The following SF3A1 variants were observed in gnomAD, a reference collection of about 807,000 sequenced individuals.
The protein encoded by SF3A1 is splicing factor 3a subunit 1.
SF3A1 carries 13 observed loss-of-function variants against 89.9 expected under a neutral mutation model. That is an observed-to-expected ratio of 0.14 (90% confidence interval 0.09 to 0.23). The LOEUF (loss-of-function observed/expected upper bound fraction) is 0.23. Among genes scored for constraint, SF3A1 ranks in the 10% least tolerant of loss-of-function variants. The pLI, the probability that SF3A1 is intolerant of heterozygous loss-of-function variation, is 1.00. For missense variants in SF3A1, 604 were observed against 1,022.1 expected (o/e 0.59, Z 5.58); for synonymous variants, 405 against 374.4 (o/e 1.08, Z -0.94).
In SF3A1 at chr22:30,353,056, GCTT is replaced by G. The variant is rs769437566; in HGVS notation, c.77_79del (p.Glu26del). The G allele has an allele frequency of 1.3e-5, 21 of 1,613,954 alleles. No homozygotes were observed. The highest frequency in any genetic ancestry group is 3.3e-5 in the South Asian group (3 of 91,082). On this transcript the variant is annotated inframe_deletion, in exon 2 of 16. Coordinates refer to ENST00000215793, the MANE Select transcript of SF3A1 (RefSeq NM_005877.6). ...AGGTGCAGAATCCTCCTTTGAAGAT[GCTT>G]CTTCTTCTGTGGGCTGTGCAAACAG...
chr22:30,336,690 T>C (rs1456991328), intron 13 of SF3A1, among the ~76,000 whole-genome samples: 1 of 152,088 alleles, frequency 6.6e-6, no homozygotes, highest in African/African-American at 2.4e-5. Flanking sequence ...CCACACACAA[T>C]TTCCTCCAGG....
Position 30,334,342 on chromosome 22 carries a change from G to A in SF3A1, c.*252C>T, listed in dbSNP as rs776661122. 1.1e-5 allele frequency: 4 copies of A among 350,572 alleles called. No individual in the cohort carries two copies. Among genetic ancestry groups the A allele is most frequent in the Non-Finnish European group, 2.1e-5 (4 of 193,572 alleles). 21.7% of individuals were successfully genotyped at this position (350,572 alleles called of 1,614,324 possible). On this transcript the variant is annotated 3_prime_UTR_variant, in exon 16 of 16. Transcript: ENST00000215793. ...GTTGCTAATGGGCTGCTGAAGAAAT[G>A]AATGTCCTCAAATCGAGACCCTAAC...
chr22:30,334,088 CAA>C lies in SF3A1; in HGVS notation c.*504_*505del, dbSNP rs1569168761. 2 of 152,258 alleles carry C rather than the reference CAA, an allele frequency of 1.3e-5. No individual in the cohort carries two copies. Among genetic ancestry groups the C allele is most frequent in the African/African-American group, 4.8e-5 (2 of 41,450 alleles). 9.4% of individuals were successfully genotyped at this position (152,258 alleles called of 1,614,324 possible). A position where few individuals can be genotyped will look rare whatever the true frequency, so the allele number is the denominator to read the frequency against. Reference sequence around the variant, plus strand: ...TTTAGTTACAAAACCCAAAAATCCTCAAAGAGAAGCCACATAGCACTGTGCAG... The same window carrying C: ...TTTAGTTACAAAACCCAAAAATCCTCAGAGAAGCCACATAGCACTGTGCAG... On this transcript the variant is annotated 3_prime_UTR_variant, in exon 16 of 16. Transcript: ENST00000215793.
rs1362922140 is a variant in SF3A1 at position 30,337,138 on chromosome 22, G to C, written c.1994C>G (p.Ala665Gly). The C allele has an allele frequency of 6.2e-7, 1 of 1,613,800 alleles. No homozygotes were observed. Among genetic ancestry groups the C allele is most frequent in the Admixed American group, 1.7e-5 (1 of 59,990 alleles). Residue 665 changes from alanine to glycine, a missense_variant, in exon 13 of 16, where the codon GCC becomes GGC. Ala to Gly is a moderately conservative substitution (Grantham distance 60). Transcript: ENST00000215793. Reference protein sequence around the residue: ...APPVAPVPAPAPMPPVHPPPP... With the variant: ...APPVAPVPAPGPMPPVHPPPP... ...TGGGGGATGCACAGGGGGCATTGGG[G>C]CTGGAGCTGGGACAGGTGCCACAGG... is the stretch of plus-strand genomic sequence containing the variant.
intron 9 of SF3A1, among the ~76,000 whole-genome samples, chr22:30,339,518 C>T (rs905856229): frequency 6.6e-6 from 1 of 152,156 alleles, no homozygotes. Flanking sequence ...CTTTGGGGGG[C>T]CAAGGCAGGA....
At chr22:30,351,041 C>T (rs1447822779) in intron 2 of SF3A1, among the ~76,000 whole-genome samples, 3 of 152,252 alleles carry the variant, frequency 2.0e-5, no homozygotes, top group South Asian at 2.1e-4. Flanking sequence ...TGGCTCACGC[C>T]TGTAATCCCA....
chr22:30,340,083 C>T (rs757187934), intron 9 of SF3A1, 113 bp downstream of exon 9: 11 of 916,952 alleles, frequency 1.2e-5, no homozygotes, highest in Non-Finnish European at 1.7e-5. Context: ...TCATAGAGTG[C>T]AACTCTCCTC....
At chr22:30,339,575 G>C (rs1400264193) in intron 9 of SF3A1, among the ~76,000 whole-genome samples, 1 of 152,144 alleles carries the variant, frequency 6.6e-6, no homozygotes, top group Non-Finnish European at 1.5e-5. Context: ...GGCCAACATA[G>C]CGAAACCCCG....
At chr22:30,348,790 A>G (rs532702760) in intron 2 of SF3A1, among the ~76,000 whole-genome samples, 1 of 152,380 alleles carries the variant, frequency 6.6e-6, no homozygotes, top group East Asian at 1.9e-4. Flanking sequence ...CTAGGCCACT[A>G]TACCCAGCAA....
intron 7 of SF3A1, 106 bp from the exon 8 acceptor site, chr22:30,340,918 C>T (rs1931231596): frequency 5.5e-6 from 4 of 723,316 alleles, no homozygotes; most frequent in Non-Finnish European, 9.5e-6. Context: ...CTCTGCCAGC[C>T]AGCGTCCATG....
rs1463077085 is a variant in SF3A1, at chr22:30,356,852, A to T, written c.-60T>A. The T allele has an allele frequency of 4.0e-6, 5 of 1,260,596 alleles. No homozygotes were observed. The highest frequency in any genetic ancestry group is 5.0e-6 in the Non-Finnish European group (5 of 991,012). 78.1% of individuals were successfully genotyped at this position (1,260,596 alleles called of 1,614,324 possible). A position where few individuals can be genotyped will look rare whatever the true frequency, so the allele number is the denominator to read the frequency against. On this transcript the variant is annotated 5_prime_UTR_variant, in exon 1 of 16. Transcript: ENST00000215793. ...TGTCGGTGAGCGGTGCCGCCTCAAGACAGCCTCCCCGCTCGGTCAGTACGA... is the reference window on the plus strand; with the variant it reads ...TGTCGGTGAGCGGTGCCGCCTCAAGTCAGCCTCCCCGCTCGGTCAGTACGA...
At chr22:30,339,835 C>A (rs562795999) in intron 9 of SF3A1, among the ~76,000 whole-genome samples, 2 of 152,308 alleles carry the variant, frequency 1.3e-5, no homozygotes, top group South Asian at 2.1e-4. Context: ...GTGTAAGTGG[C>A]AGAGTCAAAA....
At chr22:30,343,269 C>A (rs150757687) in intron 4 of SF3A1, among the ~76,000 whole-genome samples, 2 of 152,132 alleles carry the variant, frequency 1.3e-5, no homozygotes, top group Non-Finnish European at 2.9e-5. Context: ...AGAACCGCAG[C>A]GTACTTGCCC....
At chr22:30,350,313 T>TAAAAAAAAAAAAAAAAAAA (rs898407699) in intron 2 of SF3A1, among the ~76,000 whole-genome samples, 1 of 139,388 alleles carries the variant, frequency 7.2e-6, no homozygotes, top group Non-Finnish European at 1.6e-5. Flanking sequence ...CTAAAAAAAA[T>TAAAAAAAAAAAAAAAAAAA]AAAAAAAATA....
intron 4 of SF3A1, among the ~76,000 whole-genome samples, chr22:30,344,161 C>G (rs188035095): frequency 1.7e-3 from 256 of 151,834 alleles, no homozygotes; most frequent in Middle Eastern, 3.4e-3. Context: ...AGTAAAAATG[C>G]CAGAGCTCAA....
Position 30,337,143 on chromosome 22 carries a change from A to G in SF3A1, c.1989T>C (p.Ala663=). Residue 663 remains alanine (A), a synonymous_variant, in exon 13 of 16, where the codon GCT becomes GCC. Transcript: ENST00000215793. ...VPAPPVAPVP[A]PAPMPPVHPP... ...GATGCACAGGGGGCATTGGGGCTGG[A>G]GCTGGGACAGGTGCCACAGGTGGAG... The G allele has an allele frequency of 6.2e-7, 1 of 1,613,638 alleles. No homozygotes were observed. Among genetic ancestry groups the G allele is most frequent in the Non-Finnish European group, 8.5e-7 (1 of 1,179,762 alleles).
chr22:30,346,891 T>C (rs1205086226), intron 2 of SF3A1, among the ~76,000 whole-genome samples: 1 of 152,226 alleles, frequency 6.6e-6, no homozygotes, highest in African/African-American at 2.4e-5. Context: ...AGTATGCCTT[T>C]ACCAACAAAA....
chr22:30,345,611 G>A (rs1249801787), intron 3 of SF3A1, among the ~76,000 whole-genome samples: 2 of 152,156 alleles, frequency 1.3e-5, no homozygotes, highest in Non-Finnish European at 2.9e-5. Context: ...GGTAGCACAG[G>A]TACTGTGAAT....
intron 15 of SF3A1, 144 bp downstream of exon 15, chr22:30,335,323 C>T: frequency 1.4e-6 from 1 of 737,520 alleles, no homozygotes; most frequent in Non-Finnish European, 2.4e-6. Context: ...CACTCCCAGC[C>T]AGCATCATGA....
Sources: gnomAD v4.1 joint callset for allele counts (sites outside exome capture counted in the v4.1 genomes callset) on GRCh38, gnomAD v4.1.1 for gene constraint, MANE v1.5 for transcripts, NCBI Gene and HGNC (gene_info 2026-07-23, HGNC 2026-07-21) for gene names.